Variants in RANBP2 observed in about 807,000 individuals in gnomAD.
RANBP2 encodes the protein E3 SUMO-protein ligase RanBP2.
Under a neutral mutation model 303.6 loss-of-function variants are expected in RANBP2, and 57 were observed. That is an observed-to-expected ratio of 0.19 (90% CI 0.15 to 0.23). The LOEUF (loss-of-function observed/expected upper bound fraction) is 0.23, where lower values mean the gene tolerates loss of function less well. Among genes scored for constraint, RANBP2 ranks in the 10% least tolerant of loss-of-function variants. RANBP2 has a pLI of 1.00. For synonymous variants in RANBP2, 1,167 were observed against 1,301.5 expected (o/e 0.90, Z 2.23); for missense variants, 3,138 against 3,780.8 (o/e 0.83, Z 4.46).
the RANBP2 span, among the ~76,000 whole-genome samples, chr2:108,937,558 ATGTG>A: frequency 2.4e-4 from 37 of 151,610 alleles, no homozygotes; most frequent in Admixed American, 6.6e-5. Flanking sequence ...TGTGAATGTT[ATGTG>A]TGTGTGTATG....
chr2:109,237,022 G>C, the RANBP2 span, among the ~76,000 whole-genome samples: 4 of 152,148 alleles, frequency 2.6e-5, no homozygotes, highest in Non-Finnish European at 5.9e-5. Flanking sequence ...TTAGAAGGTA[G>C]AGAAGCCAAC....
chr2:109,234,755 C>T, the RANBP2 span, among the ~76,000 whole-genome samples: 9 of 152,280 alleles, frequency 5.9e-5, no homozygotes, highest in South Asian at 6.2e-4. Context: ...GCACACACCA[C>T]GTTTATTTGC....
rs199557036 is a variant in RANBP2 at position 108,765,785 on chromosome 2, G to A, written c.5246G>A (p.Cys1749Tyr). 2.1e-5 allele frequency: 34 copies of A among 1,613,484 alleles called. No homozygotes were observed. The African/African-American group carries it at 3.6e-4, about 17-fold the overall frequency. The change falls in exon 20 of 29, where the codon TGT becomes TAT. Residue 1749 changes from cysteine to tyrosine, a missense_variant. Physicochemically the swap from Cys to Tyr is radical, Grantham distance 194. This residue lies in a region of RANBP2 where 348 missense variants were observed against 360.4 expected (regional missense o/e 0.97). Transcript: ENST00000283195. ...GCTACCAAATGTATTGCTTGTCAGT[G>A]TCCAAGTAAACAAAATCAAACAACT... Reference protein sequence around the residue: ...ASATKCIACQCPSKQNQTTAI... With the variant: ...ASATKCIACQYPSKQNQTTAI...
chr2:109,241,719 C>T, the RANBP2 span, among the ~76,000 whole-genome samples: 2 of 152,010 alleles, frequency 1.3e-5, no homozygotes, highest in Non-Finnish European at 2.9e-5. Context: ...GCTTCTGTAT[C>T]TGCCAGTTTT....
At chr2:109,240,219 G>A in the RANBP2 span, among the ~76,000 whole-genome samples, 1 of 152,206 alleles carries the variant, frequency 6.6e-6, no homozygotes, top group Non-Finnish European at 1.5e-5. Context: ...CAGGGTTGAA[G>A]CCAGGCATGG....
the RANBP2 span, among the ~76,000 whole-genome samples, chr2:109,589,153 T>G: frequency 6.6e-6 from 1 of 152,088 alleles, no homozygotes; most frequent in East Asian, 1.9e-4. Context: ...TTTTTGTTTT[T>G]CTTTTTTGAG....
the RANBP2 span, among the ~76,000 whole-genome samples, chr2:109,511,095 C>A: frequency 8.0e-4 from 122 of 152,344 alleles, 2 homozygotes; most frequent in Admixed American, 7.9e-3. Flanking sequence ...AGTTAACCAA[C>A]TCGCCTCAGG....
chr2:109,020,668 G>A, the RANBP2 span, among the ~76,000 whole-genome samples: 1 of 152,168 alleles, frequency 6.6e-6, no homozygotes, highest in East Asian at 1.9e-4. Context: ...ACACCAGGAG[G>A]TCAGGGAGCC....
the RANBP2 span, among the ~76,000 whole-genome samples, chr2:109,249,721 C>T: frequency 6.6e-6 from 1 of 151,390 alleles, no homozygotes; most frequent in African/African-American, 2.4e-5. Flanking sequence ...GATCTCAGCT[C>T]ACTGCAAGCT....
chr2:108,719,664 C>G lies in RANBP2; in HGVS notation c.58C>G (p.Pro20Ala). 1 of 1,605,978 alleles carries G rather than the reference C, an allele frequency of 6.2e-7. No homozygotes were observed. Among genetic ancestry groups the G allele is most frequent in the South Asian group, 1.1e-5 (1 of 89,804 alleles). Reference sequence around the variant, plus strand: ...CATCGCCTCGGTGCAGGGCTCCACCCCGTCGCCTCGACAGGTGAGTGGGTC... The same window carrying G: ...CATCGCCTCGGTGCAGGGCTCCACCGCGTCGCCTCGACAGGTGAGTGGGTC... ...RYIASVQGSTPSPRQKSMKGF... is the reference protein window; with the variant it reads ...RYIASVQGSTASPRQKSMKGF... Residue 20 changes from proline to alanine, a missense_variant, in exon 1 of 29, where the codon CCG becomes GCG. Physicochemically the swap from Pro to Ala is conservative, Grantham distance 27. Coordinates refer to ENST00000283195, the MANE Select transcript of RANBP2 (RefSeq NM_006267.5).
At chr2:109,764,175 G>A in the RANBP2 span, among the ~76,000 whole-genome samples, 4 of 150,414 alleles carry the variant, frequency 2.7e-5, 2 homozygotes, top group East Asian at 8.2e-4. Flanking sequence ...CTGGTTTGAA[G>A]CAAGACTGGA....
chr2:109,140,983 C>G, the RANBP2 span, among the ~76,000 whole-genome samples: 2 of 152,160 alleles, frequency 1.3e-5, no homozygotes, highest in Non-Finnish European at 2.9e-5. Flanking sequence ...CTGGACAACC[C>G]TAAAGCATCC....
At chr2:109,342,942 T>C in the RANBP2 span, among the ~76,000 whole-genome samples, 1 of 152,222 alleles carries the variant, frequency 6.6e-6, no homozygotes, top group Non-Finnish European at 1.5e-5. Context: ...TTTCCTTTTT[T>C]CTTTTATTTC....
chr2:109,566,791 A>AG, the RANBP2 span, among the ~76,000 whole-genome samples: 1 of 152,194 alleles, frequency 6.6e-6, no homozygotes, highest in East Asian at 1.9e-4. Context: ...TGCAATAGCT[A>AG]GGTTCAGGGG....
chr2:109,437,740 G>T, the RANBP2 span, among the ~76,000 whole-genome samples: 10 of 151,798 alleles, frequency 6.6e-5, no homozygotes, highest in Non-Finnish European at 1.5e-4. Flanking sequence ...AACCGGTTTG[G>T]CCCCAGGATG....
At chr2:108,772,751 C>T (rs1429409524) in intron 22 of RANBP2, 117 bp from the exon 23 acceptor site, 1 of 1,249,288 alleles carries the variant, frequency 8.0e-7, no homozygotes, top group Non-Finnish European at 1.1e-6. Flanking sequence ...CCTTGTTTTT[C>T]ATTAGTATGT....
the RANBP2 span, among the ~76,000 whole-genome samples, chr2:109,106,687 A>G: frequency 6.6e-6 from 1 of 151,906 alleles, no homozygotes; most frequent in Non-Finnish European, 1.5e-5. Flanking sequence ...AATACAAAAA[A>G]TTAGCCGGGC....
At chr2:108,802,036 G>A in the RANBP2 span, among the ~76,000 whole-genome samples, 1 of 138,682 alleles carries the variant, frequency 7.2e-6, no homozygotes, top group Admixed American at 7.6e-5. Flanking sequence ...CTGTAGCCTT[G>A]TAGTATAGTT....
the RANBP2 span, among the ~76,000 whole-genome samples, chr2:108,888,303 C>T: frequency 6.6e-6 from 1 of 151,994 alleles, no homozygotes; most frequent in East Asian, 1.9e-4. Context: ...TATGTTCATT[C>T]ACCAGGGATA....
Sources: allele counts gnomAD v4.1 joint callset (sites outside exome capture counted in the v4.1 genomes callset), GRCh38; gene constraint gnomAD v4.1.1; regional missense constraint gnomAD v4.1.1; transcripts MANE v1.5; gene names NCBI Gene and HGNC (gene_info 2026-07-23, HGNC 2026-07-21).